DNAJC6: variants seen among roughly 807,000 people sequenced by gnomAD.
DNAJC6 encodes the protein auxilin.
Under a neutral mutation model 110.0 loss-of-function variants are expected in DNAJC6, and 34 were observed. The ratio of observed to expected loss-of-function variants is 0.31; its 90% CI spans 0.24 to 0.41. The LOEUF is 0.41. Ranked by LOEUF, DNAJC6 falls within the 10% of genes least tolerant of loss-of-function variation. The pLI is 1.00. For missense variants in DNAJC6, 1,031 were observed against 1,207.8 expected, an observed-to-expected ratio of 0.85 and a Z score of 2.17; for synonymous variants, 406 against 437.2, an observed-to-expected ratio of 0.93 and a Z score of 0.89.
chr1:65,274,547 C>A (rs940850325), intron 1 of DNAJC6, among the ~76,000 whole-genome samples: 6 of 152,210 alleles, frequency 3.9e-5, no homozygotes, highest in Admixed American at 2.6e-4. Context: ...GAACTCCTGA[C>A]CTCAGGTGAT....
intron 1 of DNAJC6, 56 bp downstream of exon 1, chr1:65,309,994 C>T: frequency 7.3e-7 from 1 of 1,378,724 alleles, no homozygotes; most frequent in South Asian, 1.7e-5. Flanking sequence ...CCGGAGCCTC[C>T]CAGTCGCCCG....
At chr1:65,352,492 C>T (rs1174865035) in intron 1 of DNAJC6, among the ~76,000 whole-genome samples, 3 of 152,198 alleles carry the variant, frequency 2.0e-5, no homozygotes, top group Non-Finnish European at 1.5e-5. Context: ...CTTTGAGACA[C>T]AGTTCCCTTA....
At chr1:65,383,442 G>A (rs763537694) in intron 5 of DNAJC6, among the ~76,000 whole-genome samples, 27 of 152,188 alleles carry the variant, frequency 1.8e-4, no homozygotes, top group Non-Finnish European at 3.5e-4. Flanking sequence ...ACAGACATGA[G>A]CCACTGTGCC....
At chr1:65,282,352 A>C (rs1266454250) in intron 1 of DNAJC6, among the ~76,000 whole-genome samples, 1 of 152,234 alleles carries the variant, frequency 6.6e-6, no homozygotes, top group Non-Finnish European at 1.5e-5. Context: ...ATGCAAAAAC[A>C]ATTTCAGTAC....
chr1:65,383,656 A>G (rs1645843760), intron 5 of DNAJC6, among the ~76,000 whole-genome samples: 1 of 152,152 alleles, frequency 6.6e-6, no homozygotes, highest in African/African-American at 2.4e-5. Flanking sequence ...ACCTCCTAAT[A>G]CCATCACATT....
intron 11 of DNAJC6, among the ~76,000 whole-genome samples, chr1:65,392,220 C>T (rs1029789567): frequency 6.6e-6 from 1 of 152,120 alleles, no homozygotes; most frequent in African/African-American, 2.4e-5. Flanking sequence ...TGCTCCTTAC[C>T]CCTATGCTCT....
At chr1:65,393,895 A>G (rs1266254473) in intron 12 of DNAJC6, among the ~76,000 whole-genome samples, 1 of 152,092 alleles carries the variant, frequency 6.6e-6, no homozygotes, top group African/African-American at 2.4e-5. Context: ...GGCATCCTTC[A>G]TGAGTGTGGG....
Position 65,309,733 on chromosome 1 carries a change from T to C in DNAJC6, c.-13T>C, listed in dbSNP as rs1645079394. 5 of 1,543,362 alleles carry C rather than the reference T, an allele frequency of 3.2e-6. No homozygotes were observed. The South Asian group carries it at 6.0e-5, about 18-fold the overall frequency. ...CCCAGGTTGATTATTTTCTCTTTTC[T>C]CCGGGCTTGCCCATGAGCCTCCTCG... On this transcript the variant is annotated 5_prime_UTR_variant, in exon 1 of 19. Transcript: ENST00000371069.
intron 16 of DNAJC6, among the ~76,000 whole-genome samples, chr1:65,407,920 T>G (rs1325894215): frequency 1.3e-5 from 2 of 152,236 alleles, no homozygotes; most frequent in Non-Finnish European, 2.9e-5. Flanking sequence ...CTATTTTGTT[T>G]TAACAAGCAT....
intron 1 of DNAJC6, among the ~76,000 whole-genome samples, chr1:65,281,882 A>G (rs1224594291): frequency 2.0e-5 from 3 of 152,114 alleles, no homozygotes; most frequent in Non-Finnish European, 4.4e-5. Flanking sequence ...TTCTGGGACC[A>G]CGGGCGTTAG....
intron 1 of DNAJC6, among the ~76,000 whole-genome samples, chr1:65,356,555 C>T (rs1310272028): frequency 6.8e-6 from 1 of 147,132 alleles, no homozygotes; most frequent in Non-Finnish European, 1.5e-5. Flanking sequence ...CAGAATGATA[C>T]TCTGTCTCAA....
chr1:65,401,057 A>G (rs911612473), intron 14 of DNAJC6, among the ~76,000 whole-genome samples: 3 of 151,894 alleles, frequency 2.0e-5, no homozygotes, highest in African/African-American at 4.8e-5. Context: ...TTGCATTTCT[A>G]TGATGATTAG....
At chr1:65,322,635 A>G (rs1645207367) in intron 1 of DNAJC6, among the ~76,000 whole-genome samples, 1 of 152,224 alleles carries the variant, frequency 6.6e-6, no homozygotes, top group African/African-American at 2.4e-5. Context: ...AAGTGGAATT[A>G]CTAAGAGAAA....
intron 4 of DNAJC6, among the ~76,000 whole-genome samples, chr1:65,377,382 A>G (rs1455401733): frequency 6.6e-6 from 1 of 152,202 alleles, no homozygotes. Flanking sequence ...GAAAACAAAC[A>G]CGTCAATGGG....
At chr1:65,325,015 T>G (rs1016616494) in intron 1 of DNAJC6, among the ~76,000 whole-genome samples, 3 of 152,186 alleles carry the variant, frequency 2.0e-5, no homozygotes, top group African/African-American at 7.2e-5. Flanking sequence ...TGGTACTTAG[T>G]GGTCGGCCCT....
exon 1 of DNAJC6, chr1:65,264,824 G>A (rs1653261131): frequency 5.0e-5 from 79 of 1,579,776 alleles, no homozygotes; most frequent in Non-Finnish European, 6.5e-5. Flanking sequence ...CCCCGAGACC[G>A]CTGACTGTGA....
At chr1:65,355,182 G>A (rs561939982) in intron 1 of DNAJC6, among the ~76,000 whole-genome samples, 1 of 149,478 alleles carries the variant, frequency 6.7e-6, no homozygotes, top group South Asian at 2.1e-4. Context: ...AGGATCGCTT[G>A]AGCCTGGGAG....
chr1:65,333,612 A>G (rs963030387), intron 1 of DNAJC6, among the ~76,000 whole-genome samples: 1 of 152,164 alleles, frequency 6.6e-6, no homozygotes, highest in African/African-American at 2.4e-5. Flanking sequence ...TCCTGAAAAC[A>G]TGATAGCTTT....
intron 1 of DNAJC6, among the ~76,000 whole-genome samples, chr1:65,354,257 G>T (rs997446522): frequency 7.2e-5 from 11 of 152,140 alleles, no homozygotes. Flanking sequence ...CTTGAAAGAG[G>T]CAGGATGGGG....
Sources: gnomAD v4.1 joint callset for allele counts (sites outside exome capture counted in the v4.1 genomes callset) on GRCh38, gnomAD v4.1.1 for gene constraint, MANE v1.5 for transcripts, NCBI Gene and HGNC (gene_info 2026-07-23, HGNC 2026-07-21) for gene names.